The following PLCB4 variants were observed in gnomAD, a reference collection of about 807,000 sequenced individuals.
PLCB4 encodes 1-phosphatidylinositol 4,5-bisphosphate phosphodiesterase beta-4.
A neutral mutation model predicts 178.8 loss-of-function variants in PLCB4; 77 were observed. The ratio of observed to expected loss-of-function variants is 0.43; its 90% CI spans 0.36 to 0.52. The LOEUF is 0.52. Among genes scored for constraint, PLCB4 ranks in the 20% least tolerant of loss-of-function variants. PLCB4 has a pLI of 0.00. For missense variants in PLCB4, 1,024 were observed against 1,453.4 expected, an observed-to-expected ratio of 0.70 and a Z score of 4.80; for synonymous variants, 496 against 490.8, an observed-to-expected ratio of 1.01 and a Z score of -0.14.
intron 32 of PLCB4, 117 bp from the exon 33 acceptor site, chr20:9,453,230 T>G: frequency 1.5e-6 from 1 of 645,286 alleles, no homozygotes; most frequent in South Asian, 1.9e-5. Flanking sequence ...TCAGATTTGG[T>G]TATTCCTTGA....
At chr20:9,388,869 A>C (rs1201074065) in intron 15 of PLCB4, among the ~76,000 whole-genome samples, 4 of 152,240 alleles carry the variant, frequency 2.6e-5, no homozygotes, top group African/African-American at 9.6e-5. Flanking sequence ...ATGAATTTGC[A>C]TAGCCAGGAA....
chr20:9,334,853 A>G (rs1357682579), intron 4 of PLCB4, among the ~76,000 whole-genome samples: 1 of 152,140 alleles, frequency 6.6e-6, no homozygotes, highest in Non-Finnish European at 1.5e-5. Context: ...GTGAGATATT[A>G]GGAATTGAAA....
intron 3 of PLCB4, among the ~76,000 whole-genome samples, chr20:9,236,840 A>G (rs1445790663): frequency 6.6e-6 from 1 of 152,234 alleles, no homozygotes; most frequent in Non-Finnish European, 1.5e-5. Flanking sequence ...TTGTCCTGTA[A>G]GAAACAAAGG....
intron 2 of PLCB4, among the ~76,000 whole-genome samples, chr20:9,154,905 C>CTCCTTCCT (rs771256316): frequency 0.14 from 8,878 of 62,232 alleles, 1,004 homozygotes; most frequent in East Asian, 0.22. Flanking sequence ...CCCTCCTTCC[C>CTCCTTCCT]TCCTTCCTTC....
chr20:9,175,753 C>T (rs2093144275), intron 2 of PLCB4, among the ~76,000 whole-genome samples: 1 of 152,062 alleles, frequency 6.6e-6, no homozygotes, highest in South Asian at 2.1e-4. Flanking sequence ...TCAAAGTAAA[C>T]CCCACATCTA....
intron 4 of PLCB4, among the ~76,000 whole-genome samples, chr20:9,312,353 T>TACACACACACACACACACACAC (rs34443371): frequency 7.8e-6 from 1 of 127,786 alleles, no homozygotes; most frequent in Non-Finnish European, 1.7e-5. Flanking sequence ...CCTTCCACCC[T>TACACACACACACACACACACAC]ACACACACAC....
At chr20:9,295,779 C>T (rs946585449) in intron 3 of PLCB4, among the ~76,000 whole-genome samples, 1 of 152,112 alleles carries the variant, frequency 6.6e-6, no homozygotes, top group Non-Finnish European at 1.5e-5. Flanking sequence ...TGTTGGTCTA[C>T]ATCTCTGTTT....
chr20:9,103,345 T>C (rs1192958944), intron 2 of PLCB4, among the ~76,000 whole-genome samples: 2 of 152,228 alleles, frequency 1.3e-5, no homozygotes, highest in African/African-American at 4.8e-5. Flanking sequence ...ATAACAGTGA[T>C]AAACCCATTA....
intron 32 of PLCB4, among the ~76,000 whole-genome samples, chr20:9,451,664 G>A (rs968689233): frequency 1.3e-5 from 2 of 152,206 alleles, no homozygotes; most frequent in African/African-American, 4.8e-5. Context: ...TAATTAGTCT[G>A]ATTGATATCC....
intron 36 of PLCB4, among the ~76,000 whole-genome samples, chr20:9,469,731 G>T (rs143359692): frequency 2.0e-5 from 3 of 152,186 alleles, no homozygotes; most frequent in African/African-American, 4.8e-5. Context: ...GCCTGAGACT[G>T]GGGGGAAGGT....
intron 3 of PLCB4, among the ~76,000 whole-genome samples, chr20:9,272,541 C>A (rs1222939802): frequency 6.6e-6 from 1 of 152,090 alleles, no homozygotes; most frequent in Non-Finnish European, 1.5e-5. Context: ...CATTCCTCCT[C>A]CACCCTGAAT....
At chr20:9,090,184 A>T (rs1172906723) in intron 1 of PLCB4, among the ~76,000 whole-genome samples, 2 of 151,256 alleles carry the variant, frequency 1.3e-5, no homozygotes, top group African/African-American at 4.9e-5. Context: ...TAGGAGAAAA[A>T]CTGTGAGTGT....
In PLCB4 at chr20:9,479,069, T is replaced by C; in HGVS notation, c.*60T>C. On this transcript the variant is annotated 3_prime_UTR_variant, in exon 40 of 40. Transcript: ENST00000378473. Reference sequence around the variant, plus strand: ...CACAAACTTCTGAACACAAACTCCATGGATGAAAGCTGTTTATTTTGTTTC... The same window carrying C: ...CACAAACTTCTGAACACAAACTCCACGGATGAAAGCTGTTTATTTTGTTTC... 8.8e-7 allele frequency: 1 copy of C among 1,137,300 alleles called. No homozygotes were observed. Among genetic ancestry groups the C allele is most frequent in the Non-Finnish European group, 1.3e-6 (1 of 754,348 alleles). The allele number at this position is 1,137,300 out of a possible 1,614,324, so 70.5% of individuals were successfully genotyped here. A position where few individuals can be genotyped will look rare whatever the true frequency, so the allele number is the denominator to read the frequency against.
rs541556619 is a variant in PLCB4 at position 9,130,897 on chromosome 20, A to G, written c.-79+34555A>G. 3.9e-5 allele frequency among the ~76,000 whole-genome samples: 6 copies of G among 152,336 alleles called. No individual in the cohort carries two copies. In the South Asian group the frequency reaches 1.2e-3, roughly 32 times the overall value. On this transcript the variant is annotated intron_variant, in intron 2 of 39. Transcript: ENST00000378473. ...AAAATAGGGGAGGTCTAATTTAGAC[A>G]GATAAAATGAAGTCCATTCTTCTTT...
intron 3 of PLCB4, among the ~76,000 whole-genome samples, chr20:9,295,640 G>A (rs960527008): frequency 6.6e-6 from 1 of 152,040 alleles, no homozygotes; most frequent in African/African-American, 2.4e-5. Flanking sequence ...TCTACATATG[G>A]CTAGCCAGTT....
chr20:9,282,261 G>T (rs1005382049), intron 3 of PLCB4, among the ~76,000 whole-genome samples: 1 of 151,872 alleles, frequency 6.6e-6, no homozygotes, highest in African/African-American at 2.4e-5. Context: ...TGTCTTCTAG[G>T]TATAGGCTTT....
chr20:9,270,414 C>T (rs983872988), intron 3 of PLCB4, among the ~76,000 whole-genome samples: 1 of 152,054 alleles, frequency 6.6e-6, no homozygotes, highest in Non-Finnish European at 1.5e-5. Context: ...TCCAGAATGT[C>T]ATGGAAAGGT....
chr20:9,191,222 C>T (rs932566023), intron 2 of PLCB4, among the ~76,000 whole-genome samples: 1 of 151,936 alleles, frequency 6.6e-6, no homozygotes, highest in African/African-American at 2.4e-5. Context: ...GTGTCTCCGT[C>T]CAAAATTCAT....
At chr20:9,104,562 G>A (rs1197824496) in intron 2 of PLCB4, among the ~76,000 whole-genome samples, 2 of 152,106 alleles carry the variant, frequency 1.3e-5, no homozygotes, top group Non-Finnish European at 2.9e-5. Context: ...CTAGAACATA[G>A]CTCTGTTTGT....
Sources: allele counts gnomAD v4.1 joint callset (sites outside exome capture counted in the v4.1 genomes callset), GRCh38; gene constraint gnomAD v4.1.1; transcripts MANE v1.5; gene names NCBI Gene and HGNC (gene_info 2026-07-23, HGNC 2026-07-21).